Variants in NAALADL2 observed in about 807,000 individuals in gnomAD.
The protein encoded by NAALADL2 is N-acetylated alpha-linked acidic dipeptidase like 2.
NAALADL2 carries 76 observed loss-of-function variants against 87.2 expected under a neutral mutation model. The observed-to-expected ratio is 0.87, with a 90% CI of 0.72 to 1.05. The LOEUF (loss-of-function observed/expected upper bound fraction) is 1.05. NAALADL2 is among the 50% of genes least tolerant of loss of function. The probability of loss-of-function intolerance (pLI) is 0.00; values close to 1 mark genes in which losing one functional copy is unlikely to be tolerated. For synonymous variants in NAALADL2, 354 were observed against 331.0 expected (o/e 1.07, Z -0.75); for missense variants, 1,089 against 945.8 (o/e 1.15, Z -1.99).
At chr3:174,460,140 G>A (rs904324005) in intron 1 of NAALADL2, among the ~76,000 whole-genome samples, 1 of 151,960 alleles carries the variant, frequency 6.6e-6, no homozygotes, top group Non-Finnish European at 1.5e-5. Context: ...AGATTTTTTA[G>A]CAATCTACTT....
At chr3:175,117,346 T>G (rs574423310) in intron 2 of NAALADL2, among the ~76,000 whole-genome samples, 1 of 151,648 alleles carries the variant, frequency 6.6e-6, no homozygotes, top group Admixed American at 6.6e-5. Context: ...TGGGAGAAAA[T>G]TTTTACAATC....
At chr3:175,392,233 T>G (rs995503870) in intron 5 of NAALADL2, among the ~76,000 whole-genome samples, 1 of 152,210 alleles carries the variant, frequency 6.6e-6, no homozygotes, top group Non-Finnish European at 1.5e-5. Flanking sequence ...ATTTAGCACT[T>G]AAGTTGTGTC....
intron 12 of NAALADL2, among the ~76,000 whole-genome samples, chr3:175,746,156 G>A (rs1583091459): frequency 6.6e-6 from 1 of 151,178 alleles, no homozygotes; most frequent in Non-Finnish European, 1.5e-5. Flanking sequence ...AATTTGGTCT[G>A]ACTTTTTTCT....
chr3:175,020,948 A>G (rs1751480778), intron 1 of NAALADL2, among the ~76,000 whole-genome samples: 1 of 152,104 alleles, frequency 6.6e-6, no homozygotes, highest in African/African-American at 2.4e-5. Context: ...ATTCAAAATT[A>G]TAATGCATTT....
intron 1 of NAALADL2, among the ~76,000 whole-genome samples, chr3:174,530,063 G>A (rs1269503578): frequency 1.3e-5 from 2 of 152,106 alleles, no homozygotes; most frequent in Non-Finnish European, 2.9e-5. Flanking sequence ...GCATTGTCAG[G>A]CTGCAAATGT....
chr3:175,206,244 C>CTATATCTATATATATATATA (rs1740821446), intron 2 of NAALADL2, among the ~76,000 whole-genome samples: 1 of 107,990 alleles, frequency 9.3e-6, no homozygotes, highest in Admixed American at 1.0e-4. Flanking sequence ...GGATAAAAAA[C>CTATATCTATATATATATATA]TATATATATA....
At chr3:175,644,206 A>G (rs1472062017) in intron 11 of NAALADL2, among the ~76,000 whole-genome samples, 2 of 152,078 alleles carry the variant, frequency 1.3e-5, no homozygotes, top group African/African-American at 4.8e-5. Context: ...TGTCAATTTC[A>G]TGTGTTGAAA....
At chr3:174,766,284 A>G (rs186720538) in intron 3 of NAALADL2, among the ~76,000 whole-genome samples, 59 of 152,296 alleles carry the variant, frequency 3.9e-4, no homozygotes, top group African/African-American at 1.3e-3. Flanking sequence ...CCCACGAGGC[A>G]TGGAATTTTG....
At chr3:175,311,537 T>G (rs1461069872) in intron 4 of NAALADL2, among the ~76,000 whole-genome samples, 1 of 152,110 alleles carries the variant, frequency 6.6e-6, no homozygotes, top group Admixed American at 6.6e-5. Flanking sequence ...AATGGGAAAT[T>G]AGTTTAAGGT....
intron 4 of NAALADL2, among the ~76,000 whole-genome samples, chr3:175,273,128 A>AATTAG (rs1374645199): frequency 6.6e-6 from 1 of 152,090 alleles, no homozygotes; most frequent in African/African-American, 2.4e-5. Flanking sequence ...TTCTAATTGC[A>AATTAG]AAACATTAGG....
chr3:174,479,629 C>T (rs931744518), intron 1 of NAALADL2, among the ~76,000 whole-genome samples: 8 of 151,988 alleles, frequency 5.3e-5, no homozygotes, highest in Admixed American at 3.9e-4. Flanking sequence ...CTAGTATATG[C>T]GATTGTATTT....
chr3:174,487,737 G>A (rs1210491745), intron 1 of NAALADL2, among the ~76,000 whole-genome samples: 2 of 150,942 alleles, frequency 1.3e-5, no homozygotes, highest in Admixed American at 1.3e-4. Flanking sequence ...CAGATTGCTT[G>A]TAGGCAGGTA....
intron 1 of NAALADL2, among the ~76,000 whole-genome samples, chr3:174,882,690 CG>C (rs1207728034): frequency 1.7e-5 from 2 of 120,794 alleles, no homozygotes; most frequent in African/African-American, 8.9e-5. Flanking sequence ...TATGTGTATC[CG>C]TGTATATACA....
At chr3:175,718,143 T>C in intron 11 of NAALADL2, 5 of 1,103,470 alleles carry the variant, frequency 4.5e-6, no homozygotes, top group Non-Finnish European at 6.3e-6. Context: ...TTTACTACTG[T>C]GGAAAATGAA....
chr3:175,675,792 A>G (rs544676811), intron 11 of NAALADL2: 2 of 152,270 alleles, frequency 1.3e-5, no homozygotes, highest in East Asian at 1.9e-4. Flanking sequence ...TGATAAGCTC[A>G]TGATATCTTC....
chr3:174,695,369 TTCAG>T (rs1297419767), intron 2 of NAALADL2, among the ~76,000 whole-genome samples: 1 of 151,642 alleles, frequency 6.6e-6, no homozygotes, highest in African/African-American at 2.4e-5. Flanking sequence ...AGTACAGGAG[TTCAG>T]ATTCTTTCAT....
chr3:175,776,898 T>TA (rs1750323843), intron 13 of NAALADL2, among the ~76,000 whole-genome samples: 1 of 152,092 alleles, frequency 6.6e-6, no homozygotes, highest in African/African-American at 2.4e-5. Flanking sequence ...GGTTCAACCC[T>TA]AAATTGTTAC....
chr3:175,429,608 C>T (rs926661890), intron 5 of NAALADL2, among the ~76,000 whole-genome samples: 2 of 151,920 alleles, frequency 1.3e-5, no homozygotes, highest in South Asian at 2.1e-4. Context: ...ACCCCAAATC[C>T]ATTTTTCCAT....
At chr3:175,437,913 A>T (rs1314547721) in intron 5 of NAALADL2, among the ~76,000 whole-genome samples, 1 of 152,110 alleles carries the variant, frequency 6.6e-6, no homozygotes, top group Non-Finnish European at 1.5e-5. Context: ...ATGACACATT[A>T]GTTAAGTATT....
Sources: gnomAD v4.1 joint callset for allele counts (sites outside exome capture counted in the v4.1 genomes callset) on GRCh38, gnomAD v4.1.1 for gene constraint, MANE v1.5 for transcripts, NCBI Gene and HGNC (gene_info 2026-07-23, HGNC 2026-07-21) for gene names.